The following CMC1 variants were observed in gnomAD, a reference collection of about 807,000 sequenced individuals.
CMC1 encodes the protein C-X9-C motif containing 1, also known as COX assembly mitochondrial protein homolog.
Under a neutral mutation model 14.1 loss-of-function variants are expected in CMC1, and 14 were observed. The ratio of observed to expected loss-of-function variants is 0.99; its 90% CI spans 0.66 to 1.55. The LOEUF (loss-of-function observed/expected upper bound fraction) is 1.55. CMC1 is among the 40% of genes most tolerant of loss of function. CMC1 has a pLI of 0.00. For synonymous variants in CMC1, 50 were observed against 38.4 expected, an observed-to-expected ratio of 1.30 and a Z score of -1.12; for missense variants, 127 against 123.8, an observed-to-expected ratio of 1.03 and a Z score of -0.12.
chr3:28,260,250 TCATGAGG>T (rs780148344), intron 1 of CMC1, among the ~76,000 whole-genome samples: 1 of 152,086 alleles, frequency 6.6e-6, no homozygotes, highest in Non-Finnish European at 1.5e-5. Flanking sequence ...GCATCTGTGT[TCATGAGG>T]CATACTGGTG....
intron 2 of CMC1, among the ~76,000 whole-genome samples, chr3:28,302,686 T>C (rs995161948): frequency 4.6e-5 from 7 of 152,200 alleles, no homozygotes; most frequent in African/African-American, 1.7e-4. Context: ...CAGTATGGAA[T>C]CGGAGAGTTG....
rs201784193 is a variant in CMC1, at chr3:28,324,438, T to A, written c.*4809T>A. 118 of 1,500,064 alleles carry A rather than the reference T, an allele frequency of 7.9e-5. No individual in the cohort carries two copies. Among genetic ancestry groups the A allele is most frequent in the Admixed American group, 1.6e-4 (7 of 44,612 alleles). 92.9% of individuals were successfully genotyped at this position (1,500,064 alleles called of 1,614,324 possible). On this transcript the variant is annotated 3_prime_UTR_variant, in exon 4 of 4. Coordinates refer to ENST00000466830, the MANE Select transcript of CMC1 (RefSeq NM_182523.2). Reference sequence around the variant, plus strand: ...TGTCTCTTCCAAGGTCTTCACTGCATCCTACAGGGGCACAGGCTAAAAAGA... The same window carrying A: ...TGTCTCTTCCAAGGTCTTCACTGCAACCTACAGGGGCACAGGCTAAAAAGA...
chr3:28,276,071 C>T (rs907379850), intron 2 of CMC1, among the ~76,000 whole-genome samples: 2 of 152,128 alleles, frequency 1.3e-5, no homozygotes, highest in African/African-American at 4.8e-5. Flanking sequence ...TGATGGCAGC[C>T]ACCCCTCTCC....
At chr3:28,314,213 G>T (rs1342568694) in intron 2 of CMC1, among the ~76,000 whole-genome samples, 3 of 152,194 alleles carry the variant, frequency 2.0e-5, no homozygotes, top group Non-Finnish European at 4.4e-5. Context: ...TTAACATCAT[G>T]CTATAAATAG....
intron 2 of CMC1, among the ~76,000 whole-genome samples, chr3:28,277,438 A>G (rs1373048832): frequency 6.6e-6 from 1 of 152,208 alleles, no homozygotes; most frequent in Admixed American, 6.5e-5. Flanking sequence ...CCTGTATGTC[A>G]GTTACCATTT....
chr3:28,283,603 T>C (rs1359630638), intron 2 of CMC1, among the ~76,000 whole-genome samples: 1 of 150,096 alleles, frequency 6.7e-6, no homozygotes. Flanking sequence ...TGCAGTAATA[T>C]ATTGTCTTGC....
At chr3:28,249,315 C>G (rs1699005920) in intron 1 of CMC1, among the ~76,000 whole-genome samples, 1 of 152,156 alleles carries the variant, frequency 6.6e-6, no homozygotes, top group Non-Finnish European at 1.5e-5. Context: ...TACACAATCC[C>G]TGGTGTGGTG....
chr3:28,280,690 A>C (rs1269963247), intron 2 of CMC1, among the ~76,000 whole-genome samples: 2 of 152,242 alleles, frequency 1.3e-5, no homozygotes, highest in Non-Finnish European at 2.9e-5. Flanking sequence ...TCAACATAGC[A>C]TCATATATAA....
intron 2 of CMC1, among the ~76,000 whole-genome samples, chr3:28,272,374 A>G (rs1700339208): frequency 1.3e-5 from 2 of 151,950 alleles, no homozygotes; most frequent in Non-Finnish European, 2.9e-5. Flanking sequence ...AATGGCTTTT[A>G]TTATTTTGAG....
chr3:28,244,697 G>C (rs1227033416), intron 1 of CMC1, among the ~76,000 whole-genome samples: 1 of 151,766 alleles, frequency 6.6e-6, no homozygotes, highest in Non-Finnish European at 1.5e-5. Context: ...CTGCACTCCA[G>C]CTTGGGCCAC....
chr3:28,273,327 T>A (rs2125493451), intron 2 of CMC1, among the ~76,000 whole-genome samples: 1 of 152,380 alleles, frequency 6.6e-6, no homozygotes, highest in South Asian at 2.1e-4. Context: ...ACTTATTTAT[T>A]TCTGCCTTTA....
intron 2 of CMC1, among the ~76,000 whole-genome samples, chr3:28,304,582 G>A (rs867760080): frequency 4.6e-5 from 7 of 152,012 alleles, no homozygotes; most frequent in South Asian, 4.2e-4. Context: ...CTTAGTAGAC[G>A]TCTCAACAGC....
At chr3:28,278,279 A>ATT (rs1160132396) in intron 2 of CMC1, among the ~76,000 whole-genome samples, 1 of 152,184 alleles carries the variant, frequency 6.6e-6, no homozygotes, top group Non-Finnish European at 1.5e-5. Flanking sequence ...GAGAAATTAT[A>ATT]TTATTTTATT....
At chr3:28,285,926 G>A (rs1001046420) in intron 2 of CMC1, among the ~76,000 whole-genome samples, 1 of 151,770 alleles carries the variant, frequency 6.6e-6, no homozygotes, top group East Asian at 1.9e-4. Flanking sequence ...CACCACACCC[G>A]GCTAATTTTT....
intron 1 of CMC1, 78 bp downstream of exon 1, chr3:28,241,890 G>T (rs1256904294): frequency 8.2e-7 from 1 of 1,215,028 alleles, no homozygotes; most frequent in South Asian, 4.2e-5. Flanking sequence ...GCTGGATGCC[G>T]ACCTGGGAAA....
chr3:28,260,655 T>C (rs548698027), intron 1 of CMC1, among the ~76,000 whole-genome samples: 1 of 151,134 alleles, frequency 6.6e-6, no homozygotes, highest in Admixed American at 6.6e-5. Context: ...TATTTTACCC[T>C]TTTTCTGGTT....
At chr3:28,257,954 T>G (rs951362413) in intron 1 of CMC1, among the ~76,000 whole-genome samples, 1 of 151,870 alleles carries the variant, frequency 6.6e-6, no homozygotes, top group Non-Finnish European at 1.5e-5. Context: ...TCACATTCTC[T>G]CCAACGTTGG....
chr3:28,277,915 A>G (rs35937120), intron 2 of CMC1, among the ~76,000 whole-genome samples: 29,673 of 152,122 alleles, frequency 0.2, 3,275 homozygotes, highest in Middle Eastern at 0.3. Context: ...TAGTAAGGAG[A>G]AAAATGGAAA....
At chr3:28,285,294 C>T (rs905737423) in intron 2 of CMC1, among the ~76,000 whole-genome samples, 1 of 151,984 alleles carries the variant, frequency 6.6e-6, no homozygotes, top group Non-Finnish European at 1.5e-5. Flanking sequence ...ACACAAAATA[C>T]ATATTTTCCT....
Sources: gnomAD v4.1 joint callset for allele counts (sites outside exome capture counted in the v4.1 genomes callset) on GRCh38, gnomAD v4.1.1 for gene constraint, MANE v1.5 for transcripts, NCBI Gene and HGNC (gene_info 2026-07-23, HGNC 2026-07-21) for gene names.